SEMA3D: variants seen among roughly 807,000 people sequenced by gnomAD.
The protein encoded by SEMA3D is semaphorin 3D.
Under a neutral mutation model 100.1 loss-of-function variants are expected in SEMA3D, and 84 were observed. The observed-to-expected ratio is 0.84, with a 90% confidence interval of 0.70 to 1.01. SEMA3D has a LOEUF of 1.01. Among genes scored for constraint, SEMA3D ranks in the 50% least tolerant of loss-of-function variants. The probability of loss-of-function intolerance (pLI) is 0.00; values close to 1 mark genes in which losing one functional copy is unlikely to be tolerated. For missense variants in SEMA3D, 875 were observed against 934.1 expected (o/e 0.94, Z 0.82); for synonymous variants, 312 against 320.7 (o/e 0.97, Z 0.29).
the SEMA3D span, among the ~76,000 whole-genome samples, chr7:85,220,486 G>C: frequency 5.3e-5 from 8 of 152,002 alleles, no homozygotes; most frequent in South Asian, 1.7e-3. Flanking sequence ...TCAGTCATAT[G>C]ATTATCGGGA....
intron 3 of SEMA3D, among the ~76,000 whole-genome samples, chr7:85,113,488 A>G (rs1473432873): frequency 1.3e-5 from 2 of 151,718 alleles, no homozygotes; most frequent in Non-Finnish European, 2.9e-5. Flanking sequence ...AAATTCCTCA[A>G]TGGGCCGGGC....
At chr7:85,107,075 G>A (rs539589126) in intron 3 of SEMA3D, among the ~76,000 whole-genome samples, 9 of 151,760 alleles carry the variant, frequency 5.9e-5, no homozygotes, top group South Asian at 2.1e-4. Context: ...ACCCTCTCTC[G>A]GTATTATGAA....
At chr7:85,088,606 G>A (rs1360447930) in intron 4 of SEMA3D, among the ~76,000 whole-genome samples, 4 of 152,182 alleles carry the variant, frequency 2.6e-5, no homozygotes, top group East Asian at 1.9e-4. Context: ...GGGTTCCCAG[G>A]ACAGGGAGGT....
chr7:85,183,535 T>C (rs994642773), intron 1 of SEMA3D, among the ~76,000 whole-genome samples: 5 of 152,158 alleles, frequency 3.3e-5, no homozygotes, highest in Non-Finnish European at 7.4e-5. Flanking sequence ...CCAAAAATAA[T>C]TCCCATTCCC....
At chr7:85,243,761 T>G in the SEMA3D span, among the ~76,000 whole-genome samples, 1 of 152,210 alleles carries the variant, frequency 6.6e-6, no homozygotes, top group African/African-American at 2.4e-5. Context: ...GCAGTTCTTT[T>G]CAGGAACTCA....
At chr7:85,228,020 A>T in the SEMA3D span, among the ~76,000 whole-genome samples, 1 of 152,174 alleles carries the variant, frequency 6.6e-6, no homozygotes, top group Non-Finnish European at 1.5e-5. Flanking sequence ...AGAGACTAAG[A>T]AAATCTTAGT....
At chr7:85,020,457 C>A (rs950830588) in intron 13 of SEMA3D, 136 bp from the exon 14 acceptor site, 3 of 636,578 alleles carry the variant, frequency 4.7e-6, no homozygotes, top group Non-Finnish European at 8.3e-6. Flanking sequence ...ATGAAACATG[C>A]ATGAACTGAA....
intron 2 of SEMA3D, chr7:85,142,851 A>G (rs1227343054): frequency 2.0e-6 from 2 of 985,082 alleles, no homozygotes; most frequent in South Asian, 4.7e-5. Context: ...CCCATCTTAT[A>G]CTTTTTCTTT....
chr7:85,010,587 G>A (rs1393036748), intron 17 of SEMA3D, among the ~76,000 whole-genome samples: 1 of 151,752 alleles, frequency 6.6e-6, no homozygotes, highest in Non-Finnish European at 1.5e-5. Context: ...GGATGGGAAA[G>A]AAAGAAAATA....
chr7:85,085,270 T>C (rs1047741766), intron 4 of SEMA3D, among the ~76,000 whole-genome samples: 3 of 152,206 alleles, frequency 2.0e-5, no homozygotes, highest in African/African-American at 7.2e-5. Flanking sequence ...AACTCTTTCA[T>C]ATTAAGTAAA....
At chr7:85,134,389 C>A (rs1789802258) in intron 2 of SEMA3D, among the ~76,000 whole-genome samples, 1 of 151,878 alleles carries the variant, frequency 6.6e-6, no homozygotes, top group African/African-American at 2.4e-5. Context: ...TTGTAATAAC[C>A]AAAAATGTTT....
At chr7:85,122,512 C>G (rs1208771424) in intron 2 of SEMA3D, among the ~76,000 whole-genome samples, 1 of 152,100 alleles carries the variant, frequency 6.6e-6, no homozygotes, top group Non-Finnish European at 1.5e-5. Context: ...GAAGAACCAA[C>G]TTTTGTCGAA....
intron 18 of SEMA3D, among the ~76,000 whole-genome samples, chr7:85,005,676 A>G (rs553235560): frequency 2.0e-5 from 3 of 152,046 alleles, no homozygotes; most frequent in Non-Finnish European, 4.4e-5. Flanking sequence ...GTTTGGAGTG[A>G]GATTTTTCTT....
intron 4 of SEMA3D, among the ~76,000 whole-genome samples, chr7:85,082,069 A>C (rs1027436851): frequency 1.3e-5 from 2 of 152,222 alleles, no homozygotes; most frequent in Non-Finnish European, 2.9e-5. Flanking sequence ...GCTCAGATGC[A>C]TCTGCCACTT....
chr7:85,209,360 G>A, the SEMA3D span, among the ~76,000 whole-genome samples: 66 of 151,864 alleles, frequency 4.3e-4, no homozygotes, highest in African/African-American at 1.6e-3. Context: ...AAAACTTTGT[G>A]CAAATTATTG....
chr7:85,075,701 G>A (rs1161216945), intron 5 of SEMA3D, among the ~76,000 whole-genome samples: 3 of 152,208 alleles, frequency 2.0e-5, no homozygotes, highest in African/African-American at 7.2e-5. Flanking sequence ...GAATTTGAGA[G>A]AGGATAGTTC....
chr7:85,042,850 G>C (rs1790901295), intron 9 of SEMA3D, among the ~76,000 whole-genome samples: 1 of 151,862 alleles, frequency 6.6e-6, no homozygotes, highest in South Asian at 2.1e-4. Flanking sequence ...AAATATGGTT[G>C]GTTTGATGAG....
chr7:85,201,473 A>G, the SEMA3D span, among the ~76,000 whole-genome samples: 1 of 152,168 alleles, frequency 6.6e-6, no homozygotes, highest in South Asian at 2.1e-4. Flanking sequence ...TCTTAACCTC[A>G]GCTTGGGTTC....
intron 2 of SEMA3D, among the ~76,000 whole-genome samples, chr7:85,134,182 T>G (rs2116442633): frequency 6.6e-6 from 1 of 152,046 alleles, no homozygotes; most frequent in African/African-American, 2.4e-5. Context: ...CTTAATTGCT[T>G]TATTGGATGT....
Sources: gnomAD v4.1 joint callset for allele counts (sites outside exome capture counted in the v4.1 genomes callset) on GRCh38, gnomAD v4.1.1 for gene constraint, MANE v1.5 for transcripts, NCBI Gene and HGNC (gene_info 2026-07-23, HGNC 2026-07-21) for gene names.